The following MEGF9 variants were observed in gnomAD, a reference collection of about 807,000 sequenced individuals.
The protein encoded by MEGF9 is multiple EGF like domains 9.
A neutral mutation model predicts 46.8 loss-of-function variants in MEGF9; 6 were observed. The observed-to-expected ratio is 0.13, with a 90% CI of 0.07 to 0.25. The LOEUF is 0.25. MEGF9 is among the 10% of genes least tolerant of loss of function. The pLI, the probability that MEGF9 is intolerant of heterozygous loss-of-function variation, is 1.00. For synonymous variants in MEGF9, 302 were observed against 330.7 expected (o/e 0.91, Z 0.94); for missense variants, 683 against 792.4 (o/e 0.86, Z 1.66).
intron 1 of MEGF9, among the ~76,000 whole-genome samples, chr9:120,671,155 C>T (rs527352013): frequency 2.6e-5 from 4 of 152,306 alleles, no homozygotes; most frequent in Admixed American, 2.0e-4. Flanking sequence ...TTGGTCTCCA[C>T]GTCATTGGAT....
intron 2 of MEGF9, among the ~76,000 whole-genome samples, chr9:120,649,836 G>A (rs755505662): frequency 1.3e-5 from 2 of 152,056 alleles, no homozygotes; most frequent in Non-Finnish European, 2.9e-5. Context: ...AAGAACCTAC[G>A]ATGATGAGGA....
intron 1 of MEGF9, among the ~76,000 whole-genome samples, chr9:120,678,470 G>A (rs1228544052): frequency 6.6e-6 from 1 of 151,970 alleles, no homozygotes; most frequent in Non-Finnish European, 1.5e-5. Context: ...ACTTGTGGGG[G>A]ATTTTTTTGT....
At chr9:120,613,976 A>C (rs2043460160) in intron 3 of MEGF9, among the ~76,000 whole-genome samples, 2 of 152,102 alleles carry the variant, frequency 1.3e-5, no homozygotes, top group South Asian at 4.2e-4. Flanking sequence ...GAAAAAAACA[A>C]AAGAATGAAA....
intron 2 of MEGF9, among the ~76,000 whole-genome samples, chr9:120,643,964 C>T (rs1587982444): frequency 6.6e-6 from 1 of 152,174 alleles, no homozygotes; most frequent in East Asian, 1.9e-4. Context: ...ATCCTCCTGC[C>T]TTGGCCTCCC....
intron 1 of MEGF9, among the ~76,000 whole-genome samples, chr9:120,675,386 T>C (rs2043768206): frequency 6.6e-6 from 1 of 151,964 alleles, no homozygotes; most frequent in East Asian, 1.9e-4. Context: ...AGGAGTTCAA[T>C]ACTAGCCTGG....
At chr9:120,681,818 C>T (rs74924830) in intron 1 of MEGF9, among the ~76,000 whole-genome samples, 3,595 of 152,182 alleles carry the variant, frequency 0.024, 153 homozygotes, top group African/African-American at 0.083. Flanking sequence ...AGAGCAAACA[C>T]GGAAACTGAA....
intron 1 of MEGF9, among the ~76,000 whole-genome samples, chr9:120,672,593 C>G (rs1367055281): frequency 6.6e-6 from 1 of 152,168 alleles, no homozygotes; most frequent in African/African-American, 2.4e-5. Flanking sequence ...TCTACTCCAG[C>G]CTGTGTAACA....
At chr9:120,613,452 T>C (rs974542404) in intron 3 of MEGF9, among the ~76,000 whole-genome samples, 2 of 151,996 alleles carry the variant, frequency 1.3e-5, no homozygotes, top group African/African-American at 2.4e-5. Flanking sequence ...TATATAAATA[T>C]GAAGCAAAAT....
At chr9:120,618,412 C>T (rs2043481639) in intron 3 of MEGF9, among the ~76,000 whole-genome samples, 1 of 152,170 alleles carries the variant, frequency 6.6e-6, no homozygotes, top group Non-Finnish European at 1.5e-5. Flanking sequence ...GGTCAAGTTA[C>T]TCATCATGGG....
chr9:120,608,969 C>T (rs1261171089), intron 4 of MEGF9, among the ~76,000 whole-genome samples: 1 of 152,150 alleles, frequency 6.6e-6, no homozygotes, highest in Non-Finnish European at 1.5e-5. Context: ...ATTGTAGCTA[C>T]TTCCTCATGG....
intron 2 of MEGF9, among the ~76,000 whole-genome samples, chr9:120,636,845 G>A (rs913941553): frequency 9.9e-5 from 12 of 121,372 alleles, no homozygotes; most frequent in African/African-American, 1.7e-4. Context: ...CAGCCGCCCC[G>A]TCTGGGGGGT....
intron 1 of MEGF9, 138 bp from the exon 2 acceptor site, chr9:120,659,713 T>G: frequency 1.4e-6 from 1 of 720,996 alleles, no homozygotes; most frequent in Admixed American, 3.0e-5. Context: ...TAGTTCAAAT[T>G]TACTTTCTAT....
At chr9:120,661,774 T>C (rs969655067) in intron 1 of MEGF9, among the ~76,000 whole-genome samples, 2 of 152,214 alleles carry the variant, frequency 1.3e-5, no homozygotes, top group African/African-American at 2.4e-5. Flanking sequence ...GTTGTGGTTT[T>C]TGTAAATAAC....
Position 120,627,664 on chromosome 9 carries a change from T to C in MEGF9, c.804-4909A>G, listed in dbSNP as rs1171580446. ...TTTTAGCAGAAACAGAGTTTCGTCA[T>C]GTTGGCCAGGCTGGTCTCGAACTCC... is the stretch of plus-strand genomic sequence containing the variant. On this transcript the variant is annotated intron_variant, in intron 2 of 5. Transcript: ENST00000373930. Among the ~76,000 whole-genome samples, 3 of 152,220 alleles carry C rather than the reference T, an allele frequency of 2.0e-5. No homozygotes were observed. In the South Asian group the frequency reaches 6.2e-4, roughly 31 times the overall value.
intron 1 of MEGF9, among the ~76,000 whole-genome samples, chr9:120,666,371 C>G (rs1321732851): frequency 2.0e-5 from 3 of 152,138 alleles, no homozygotes; most frequent in African/African-American, 7.2e-5. Context: ...TAGTTCTATT[C>G]TCAGCACACA....
At chr9:120,695,727 G>A (rs766270182) in intron 1 of MEGF9, among the ~76,000 whole-genome samples, 1 of 151,588 alleles carries the variant, frequency 6.6e-6, no homozygotes, top group Non-Finnish European at 1.5e-5. Context: ...CAAAGAAAGG[G>A]TGTGGGTAGA....
intron 1 of MEGF9, among the ~76,000 whole-genome samples, chr9:120,682,572 TACACACAC>T (rs34220125): frequency 6.7e-6 from 1 of 150,330 alleles, no homozygotes. Flanking sequence ...AACCAATTCT[TACACACAC>T]ACACACACAC....
chr9:120,668,801 G>T (rs1324473986), intron 1 of MEGF9, among the ~76,000 whole-genome samples: 1 of 152,172 alleles, frequency 6.6e-6, no homozygotes, highest in Non-Finnish European at 1.5e-5. Context: ...GGTACCTTAA[G>T]CAAGGAATCT....
At position 120,639,605 on chromosome 9, in the gene MEGF9, CTTA is replaced by C. The variant is rs2043593486; in HGVS notation, c.804-16853_804-16851del. On this transcript the variant is annotated intron_variant, in intron 2 of 5. Transcript: ENST00000373930. ...TAGTCATATGACCTTAAATAAATTACTTAATCTCTTTATGCCTCAGCTCCTCAT... is the reference window on the plus strand; with the variant it reads ...TAGTCATATGACCTTAAATAAATTACATCTCTTTATGCCTCAGCTCCTCAT... 2.0e-5 allele frequency among the ~76,000 whole-genome samples: 3 copies of C among 147,392 alleles called. No homozygotes were observed. In the South Asian group the frequency reaches 6.7e-4, roughly 33 times the overall value.
Sources: gnomAD v4.1 joint callset for allele counts (sites outside exome capture counted in the v4.1 genomes callset) on GRCh38, gnomAD v4.1.1 for gene constraint, MANE v1.5 for transcripts, NCBI Gene and HGNC (gene_info 2026-07-23, HGNC 2026-07-21) for gene names.